Variants in ZNF91 observed in about 807,000 individuals in gnomAD.
The protein encoded by ZNF91 is zinc finger protein 91, also known as zinc finger protein 91 (HPF7, HTF10).
In ZNF91, 7 loss-of-function variants were observed where a neutral mutation model predicts 12.6. That is an observed-to-expected ratio of 0.55 (90% confidence interval 0.31 to 1.04). The LOEUF is 1.04. Among genes scored for constraint, ZNF91 ranks in the 50% least tolerant of loss-of-function variants. The probability of loss-of-function intolerance (pLI) is 0.05; values close to 1 mark genes in which losing one functional copy is unlikely to be tolerated. For synonymous variants in ZNF91, 453 were observed against 462.6 expected, an observed-to-expected ratio of 0.98 and a Z score of 0.27; for missense variants, 1,217 against 1,385.4, an observed-to-expected ratio of 0.88 and a Z score of 1.93.
At chr19:23,388,004 G>A (rs1423616355) in intron 1 of ZNF91, among the ~76,000 whole-genome samples, 2 of 149,488 alleles carry the variant, frequency 1.3e-5, no homozygotes, top group African/African-American at 2.5e-5. Flanking sequence ...CCAGCACTTT[G>A]GGAGGCAGAG....
chr19:23,331,971 C>T (rs749816622), intron 1 of ZNF91, among the ~76,000 whole-genome samples: 4 of 152,174 alleles, frequency 2.6e-5, no homozygotes, highest in Non-Finnish European at 4.4e-5. Flanking sequence ...AACAGAAATC[C>T]AGTCCTAACC....
downstream of ZNF91, among the ~76,000 whole-genome samples, chr19:23,356,032 C>T (rs950927899): frequency 2.6e-5 from 4 of 152,120 alleles, no homozygotes; most frequent in African/African-American, 9.7e-5. Context: ...TCAGGGAACA[C>T]ATCTATACTG....
intron 3 of ZNF91, among the ~76,000 whole-genome samples, chr19:23,350,796 T>C (rs935375264): frequency 1.3e-5 from 2 of 152,022 alleles, no homozygotes; most frequent in African/African-American, 2.4e-5. Context: ...TCCGGTACCA[T>C]GTAACAGTTG....
chr19:23,358,332 A>G lies in ZNF91; in HGVS notation c.*1071T>C, dbSNP rs937429694. ...CATAATAATGCAGAATATTAATCTG[A>G]ACATCTACCTCATGCATCACTCGAT... On this transcript the variant is annotated 3_prime_UTR_variant, in exon 4 of 4. Transcript: ENST00000300619. 6.6e-6 allele frequency: 1 copy of G among 152,214 alleles called. No individual in the cohort carries two copies. Among genetic ancestry groups the G allele is most frequent in the Non-Finnish European group, 1.5e-5 (1 of 68,024 alleles). The allele number at this position is 152,214 out of a possible 1,614,324, so 9.4% of individuals were successfully genotyped here.
chr19:23,359,421 C>A lies in ZNF91; in HGVS notation c.3558G>T (p.Val1186=). The change falls in exon 4 of 4, where the codon GTG becomes GTT. Residue 1186 remains valine, a synonymous_variant. Transcript: ENST00000300619. ...GTATTTTTTAGTAGAGAAGGGGTTT[C>A]ACTGTGTTAGCCAGGATGGTCTCCA... ...QEMETILANT[V]KPLLY The A allele has an allele frequency of 8.1e-7, 1 of 1,241,552 alleles. No individual in the cohort carries two copies. Among genetic ancestry groups the A allele is most frequent in the Non-Finnish European group, 1.2e-6 (1 of 863,434 alleles). The allele number at this position is 1,241,552 out of a possible 1,614,324, so 76.9% of individuals were successfully genotyped here.
chr19:23,336,113 G>A (rs911478385), downstream of ZNF91, among the ~76,000 whole-genome samples: 1 of 152,124 alleles, frequency 6.6e-6, no homozygotes, highest in African/African-American at 2.4e-5. Flanking sequence ...TTTAAAATGT[G>A]CTACATTTCT....
At chr19:23,394,921 C>T (rs1246443694) in intron 1 of ZNF91, among the ~76,000 whole-genome samples, 1 of 151,902 alleles carries the variant, frequency 6.6e-6, no homozygotes, top group African/African-American at 2.4e-5. Flanking sequence ...GCGGTGACGC[C>T]CATAAATTTT....
intron 3 of ZNF91, chr19:23,339,242 C>G (rs1568373041): frequency 1.3e-5 from 2 of 151,874 alleles, no homozygotes; most frequent in African/African-American, 4.8e-5. Flanking sequence ...TCAAATAAAA[C>G]AGACTTTAAA....
At chr19:23,312,058 G>A (rs1195777415), upstream of ZNF91, among the ~76,000 whole-genome samples, 1 of 152,102 alleles carries the variant, frequency 6.6e-6, no homozygotes, top group Non-Finnish European at 1.5e-5. Context: ...GCTTTCAGGA[G>A]GGGATTATAC....
In ZNF91 at chr19:23,316,166, A is replaced by ATTT. The variant is rs34486796; in HGVS notation, n.117-7072_117-7070dup. Among the ~76,000 whole-genome samples, 530 of 137,726 alleles carry ATTT rather than the reference A, an allele frequency of 3.8e-3. 8 individuals carry two copies. Among genetic ancestry groups the ATTT allele is most frequent in the African/African-American group, 0.014 (507 of 37,252 alleles). 90.4% of individuals were successfully genotyped at this position (137,726 alleles called of 152,430 possible). ...CTTGACCCAGCATCTAGGTGAGGTG[A>ATTT]TTTTTTTTTTTTTTTTGCCTGGTCC... On this transcript the variant is annotated intron_variant and non_coding_transcript_variant, in intron 1 of 1. Coordinates refer to the ZNF91 transcript ENST00000596528.
In ZNF91 at chr19:23,309,531, C is replaced by T. The variant is rs1259748678; in HGVS notation, n.17-434G>A. Reference sequence around the variant, plus strand: ...GGCTGAGAACCCAGGTGATGTGTCTCTTTTTTCTGGTCCCTTCTTTCAGAA... The same window carrying T: ...GGCTGAGAACCCAGGTGATGTGTCTTTTTTTTCTGGTCCCTTCTTTCAGAA... On this transcript the variant is annotated intron_variant and non_coding_transcript_variant, in intron 1 of 3. Transcript: ENST00000593292. 1.1e-4 allele frequency among the ~76,000 whole-genome samples: 17 copies of T among 152,116 alleles called. 1 individual carries two copies. The East Asian group carries it at 3.3e-3, about 29-fold the overall frequency.
Position 23,374,647 on chromosome 19 carries a change from C to A in ZNF91, c.148G>T (p.Ala50Ser). 3 of 1,611,120 alleles carry A rather than the reference C, an allele frequency of 1.9e-6. No individual in the cohort carries two copies. The highest frequency in any genetic ancestry group is 2.5e-6 in the Non-Finnish European group (3 of 1,178,590). ...TTAAAGTTTTCCTTACCCAGGAAGG[C>A]CAGGTTTCTGTAGTTCTCTAACATC... ...NVMLENYRNL[A>S]FLGIALSKPD... Residue 50 changes from alanine (A) to serine (S), a missense_variant, in exon 2 of 4, where the codon GCC becomes TCC. Physicochemically the swap from Ala to Ser is moderately conservative, Grantham distance 99 (BLOSUM62 1). Coordinates refer to ENST00000300619, the MANE Select transcript of ZNF91 (RefSeq NM_003430.4).
At position 23,359,221 on chromosome 19, in the gene ZNF91, AT is replaced by A. The variant is rs1170819620; in HGVS notation, c.*181del. On this transcript the variant is annotated 3_prime_UTR_variant, in exon 4 of 4. Coordinates refer to ENST00000300619, the MANE Select transcript of ZNF91 (RefSeq NM_003430.4). ...TTTGTAGGGTTTCTCTCTAGTATGA[AT>A]TTTCTTTTTTTTTTTTTTGAGACGG... The A allele has an allele frequency of 4.3e-6, 2 of 462,414 alleles. No homozygotes were observed. Among genetic ancestry groups the A allele is most frequent in the Non-Finnish European group, 7.8e-6 (2 of 256,814 alleles). The allele number at this position is 462,414 out of a possible 1,614,324, so 28.6% of individuals were successfully genotyped here.
At chr19:23,377,308 T>C (rs1969538247) in intron 1 of ZNF91, among the ~76,000 whole-genome samples, 2 of 152,174 alleles carry the variant, frequency 1.3e-5, no homozygotes, top group Non-Finnish European at 1.5e-5. Context: ...TTAAAACAAA[T>C]AGATGCTATC....
intron 1 of ZNF91, among the ~76,000 whole-genome samples, chr19:23,391,547 A>G (rs11882589): frequency 0.34 from 51,369 of 152,078 alleles, 9,935 homozygotes; most frequent in African/African-American, 0.54. Context: ...TCTTATAGTC[A>G]CTACTTCCTC....
chr19:23,312,622 T>C (rs1967488931), upstream of ZNF91, among the ~76,000 whole-genome samples: 1 of 152,158 alleles, frequency 6.6e-6, no homozygotes, highest in Non-Finnish European at 1.5e-5. Flanking sequence ...TAAGCACAGT[T>C]GGGATGATGA....
Position 23,361,374 on chromosome 19 carries a change from T to G in ZNF91, c.1605A>C (p.Lys535Asn). ...TCTCTCTACTATGAATTATCTTATG[T>G]TTATTAAGGGTTAAGGATTGTCTAA... ...KAFRQSLTLN[K>N]HKIIHSREKP... Residue 535 changes from lysine to asparagine, a missense_variant, in exon 4 of 4, where the codon AAA becomes AAC. Around this residue, in one of 2 missense-constraint regions of ZNF91, gnomAD observed 726 missense variants for 895.5 expected, o/e 0.81. Transcript: ENST00000300619. 6.2e-7 allele frequency: 1 copy of G among 1,613,618 alleles called. No homozygotes were observed. The highest frequency in any genetic ancestry group is 8.5e-7 in the Non-Finnish European group (1 of 1,179,814).
chr19:23,351,834 C>T (rs1350649728), intron 3 of ZNF91, among the ~76,000 whole-genome samples: 1 of 152,160 alleles, frequency 6.6e-6, no homozygotes, highest in Non-Finnish European at 1.5e-5. Context: ...GGGAGACCCT[C>T]CTCTCCTGAA....
chr19:23,395,440 G>C lies in ZNF91; in HGVS notation c.-86C>G, dbSNP rs202202733. 11 of 1,526,664 alleles carry C rather than the reference G, an allele frequency of 7.2e-6. No individual in the cohort carries two copies. The highest frequency in any genetic ancestry group is 3.5e-5 in the South Asian group (3 of 86,248). The allele number at this position is 1,526,664 out of a possible 1,614,324, so 94.6% of individuals were successfully genotyped here. A position where few individuals can be genotyped will look rare whatever the true frequency, so the allele number is the denominator to read the frequency against. On this transcript the variant is annotated 5_prime_UTR_variant, in exon 1 of 4. Transcript: ENST00000300619. ...GCAGAGGACACAGAGCAGTGAAGTC[G>C]AGACCTGGAAACTCCGGCGGCAGCG...
Sources: allele counts gnomAD v4.1 joint callset (sites outside exome capture counted in the v4.1 genomes callset), GRCh38; gene constraint gnomAD v4.1.1; regional missense constraint gnomAD v4.1.1; transcripts MANE v1.5; gene names NCBI Gene and HGNC (gene_info 2026-07-23, HGNC 2026-07-21).